The following IMMP2L variants were observed in gnomAD, a reference collection of about 807,000 sequenced individuals.
IMMP2L encodes inner mitochondrial membrane peptidase subunit 2, also known as mitochondrial inner membrane protease subunit 2.
IMMP2L carries 18 observed loss-of-function variants against 19.3 expected under a neutral mutation model. The ratio of observed to expected loss-of-function variants is 0.93; its 90% CI spans 0.64 to 1.38. The LOEUF is 1.38. IMMP2L is among the 40% of genes most tolerant of loss of function. IMMP2L has a pLI of 0.00. For missense variants in IMMP2L, 233 were observed against 218.2 expected, an observed-to-expected ratio of 1.07 and a Z score of -0.43; for synonymous variants, 76 against 73.0, an observed-to-expected ratio of 1.04 and a Z score of -0.21.
In IMMP2L at chr7:111,104,922, G is replaced by T. The variant is rs184735759; in HGVS notation, c.240-141357C>A. On this transcript the variant is annotated intron_variant, in intron 3 of 5. Coordinates refer to ENST00000405709, the MANE Select transcript of IMMP2L (RefSeq NM_032549.4). The stretch of plus-strand genomic sequence containing the variant: ...AGGGGACAGTCTCTCACACAAAAGA[G>T]GAAGAAAAACAAAAAGAAGAGATGG... Among the ~76,000 whole-genome samples the T allele has an allele frequency of 5.3e-5, 8 of 151,666 alleles. No individual in the cohort carries two copies. The East Asian group carries it at 1.6e-3, about 29-fold the overall frequency.
chr7:111,240,852 C>A (rs1814931865), intron 3 of IMMP2L, among the ~76,000 whole-genome samples: 1 of 151,892 alleles, frequency 6.6e-6, no homozygotes, highest in Admixed American at 6.6e-5. Context: ...ACTTAAGTCA[C>A]ACTTAATGTG....
intron 1 of IMMP2L, among the ~76,000 whole-genome samples, chr7:111,528,558 T>G (rs1847103760): frequency 6.6e-6 from 1 of 152,204 alleles, no homozygotes; most frequent in African/African-American, 2.4e-5. Flanking sequence ...GATGCTGACC[T>G]CAACCACATA....
At chr7:111,053,637 GCTGAGGGAAGAGTCCTCTC>G (rs1389376355) in intron 3 of IMMP2L, among the ~76,000 whole-genome samples, 1 of 152,168 alleles carries the variant, frequency 6.6e-6, no homozygotes, top group Non-Finnish European at 1.5e-5. Context: ...GGTGGTGGGG[GCTGAGGGAAGAGTCCTCTC>G]CTGCTTTGTT....
chr7:110,668,590 T>C (rs1019369730), intron 5 of IMMP2L, among the ~76,000 whole-genome samples: 1 of 152,232 alleles, frequency 6.6e-6, no homozygotes, highest in Non-Finnish European at 1.5e-5. Context: ...GATTCAATTT[T>C]TTTTAAATCA....
chr7:111,175,660 A>C lies in IMMP2L; in HGVS notation c.240-212095T>G, dbSNP rs1269997397. On this transcript the variant is annotated intron_variant, in intron 3 of 5. Coordinates refer to ENST00000405709, the MANE Select transcript of IMMP2L (RefSeq NM_032549.4). ...ATTAAAGACTTAAATCTAAGACCTC[A>C]ATCTATGAAATTATTCCAAGAAAAC... 2.0e-5 allele frequency among the ~76,000 whole-genome samples: 3 copies of C among 151,848 alleles called. No homozygotes were observed. The East Asian group carries it at 5.8e-4, about 29-fold the overall frequency.
chr7:111,000,307 T>C (rs1232550121), intron 3 of IMMP2L, among the ~76,000 whole-genome samples: 1 of 152,156 alleles, frequency 6.6e-6, no homozygotes, highest in African/African-American at 2.4e-5. Flanking sequence ...TAAGCACATA[T>C]TCCAAGTATA....
intron 3 of IMMP2L, among the ~76,000 whole-genome samples, chr7:111,211,774 C>G (rs959608742): frequency 6.6e-6 from 1 of 152,106 alleles, no homozygotes; most frequent in Admixed American, 6.5e-5. Flanking sequence ...CTTTGGGAGG[C>G]CGAGGCAGGC....
intron 3 of IMMP2L, among the ~76,000 whole-genome samples, chr7:110,990,955 C>T (rs1262354885): frequency 6.6e-6 from 1 of 152,098 alleles, no homozygotes; most frequent in African/African-American, 2.4e-5. Flanking sequence ...ATTTTAATGC[C>T]CTTTCTTTGT....
intron 5 of IMMP2L, among the ~76,000 whole-genome samples, chr7:110,687,247 T>A (rs1211099306): frequency 6.6e-6 from 1 of 152,024 alleles, no homozygotes; most frequent in Non-Finnish European, 1.5e-5. Flanking sequence ...CCAGGAACAT[T>A]GTCCGTAAAG....
rs542123438 is a variant in IMMP2L at position 110,860,764 on chromosome 7, A to T, written c.408+25829T>A. 1.2e-4 allele frequency among the ~76,000 whole-genome samples: 19 copies of T among 152,236 alleles called. No individual in the cohort carries two copies. The East Asian group carries it at 3.5e-3, about 28-fold the overall frequency. The stretch of plus-strand genomic sequence containing the variant: ...CCCAAATCACAAGGCTTGCAGGTGA[A>T]TCCACCTACATTTTTTGTGTTAAAG... On this transcript the variant is annotated intron_variant, in intron 5 of 5. Coordinates refer to ENST00000405709, the MANE Select transcript of IMMP2L (RefSeq NM_032549.4).
chr7:111,505,529 A>AT (rs1188565600), intron 2 of IMMP2L, among the ~76,000 whole-genome samples: 7 of 151,932 alleles, frequency 4.6e-5, no homozygotes, highest in Non-Finnish European at 1.0e-4. Context: ...ACACATATAT[A>AT]TTGTGGCACT....
chr7:111,228,707 T>C (rs188175551), intron 3 of IMMP2L, among the ~76,000 whole-genome samples: 83 of 152,142 alleles, frequency 5.5e-4, no homozygotes, highest in Non-Finnish European at 9.0e-4. Context: ...CTCTGAAACT[T>C]TGTCAAAAAT....
intron 5 of IMMP2L, among the ~76,000 whole-genome samples, chr7:110,714,402 G>A (rs1469802907): frequency 6.6e-6 from 1 of 152,124 alleles, no homozygotes; most frequent in Non-Finnish European, 1.5e-5. Context: ...ATGGCCTAAA[G>A]TTTTCTTTTT....
At chr7:111,515,901 A>T (rs1326117133) in intron 2 of IMMP2L, among the ~76,000 whole-genome samples, 1 of 152,160 alleles carries the variant, frequency 6.6e-6, no homozygotes, top group Non-Finnish European at 1.5e-5. Flanking sequence ...ATCATTCCAT[A>T]AACCAAAATA....
At chr7:110,885,131 T>C (rs1810083929) in intron 5 of IMMP2L, among the ~76,000 whole-genome samples, 1 of 152,038 alleles carries the variant, frequency 6.6e-6, no homozygotes, top group Non-Finnish European at 1.5e-5. Flanking sequence ...AAGTTGAATA[T>C]CCCTTATCCA....
intron 2 of IMMP2L, among the ~76,000 whole-genome samples, chr7:111,516,086 G>C (rs1448178300): frequency 6.6e-6 from 1 of 152,114 alleles, no homozygotes; most frequent in Non-Finnish European, 1.5e-5. Flanking sequence ...TACCTCAACT[G>C]TCTGAGCCTC....
intron 3 of IMMP2L, among the ~76,000 whole-genome samples, chr7:111,096,107 G>A (rs1797370619): frequency 6.6e-6 from 1 of 151,932 alleles, no homozygotes; most frequent in East Asian, 1.9e-4. Context: ...CACAATAATT[G>A]TGAATATTTG....
At chr7:111,048,258 A>AAAAAAAAG (rs1563192280) in intron 3 of IMMP2L, among the ~76,000 whole-genome samples, 4 of 149,020 alleles carry the variant, frequency 2.7e-5, no homozygotes, top group African/African-American at 1.0e-4. Context: ...AAAAAAAAAA[A>AAAAAAAAG]AAAAAAAGAA....
chr7:111,168,562 T>G (rs1054273645), intron 3 of IMMP2L, among the ~76,000 whole-genome samples: 1 of 151,956 alleles, frequency 6.6e-6, no homozygotes, highest in Non-Finnish European at 1.5e-5. Flanking sequence ...TATGCTAAAT[T>G]GATTTTGCTT....
Sources: allele counts gnomAD v4.1 joint callset (sites outside exome capture counted in the v4.1 genomes callset), GRCh38; gene constraint gnomAD v4.1.1; transcripts MANE v1.5; gene names NCBI Gene and HGNC (gene_info 2026-07-23, HGNC 2026-07-21).